The following ANK2 variants were observed in gnomAD, a reference collection of about 807,000 sequenced individuals.
ANK2 encodes ankyrin-2.
A neutral mutation model predicts 360.5 loss-of-function variants in ANK2; 83 were observed. The ratio of observed to expected loss-of-function variants is 0.23; its 90% CI spans 0.19 to 0.28. The LOEUF is 0.28. Ranked by LOEUF, ANK2 falls within the 10% of genes least tolerant of loss-of-function variation. ANK2 has a pLI of 1.00. For synonymous variants in ANK2, 1,740 were observed against 1,759.5 expected, an observed-to-expected ratio of 0.99 and a Z score of 0.28; for missense variants, 4,201 against 4,795.7, an observed-to-expected ratio of 0.88 and a Z score of 3.66.
chr4:112,710,627 G>A, the ANK2 span, among the ~76,000 whole-genome samples: 2 of 151,940 alleles, frequency 1.3e-5, no homozygotes, highest in Non-Finnish European at 2.9e-5. Flanking sequence ...GGACTCAGGA[G>A]GTGGAGGTTG....
intron 1 of ANK2, among the ~76,000 whole-genome samples, chr4:113,069,529 A>G (rs556795144): frequency 2.0e-5 from 3 of 152,322 alleles, no homozygotes; most frequent in Non-Finnish European, 4.4e-5. Flanking sequence ...AGTCTTTTAA[A>G]AGCCAAAATT....
intron 2 of ANK2, among the ~76,000 whole-genome samples, chr4:112,945,442 T>TAAA (rs2094485277): frequency 1.3e-5 from 2 of 152,168 alleles, no homozygotes; most frequent in Non-Finnish European, 2.9e-5. Context: ...ACATAGTGCC[T>TAAA]CATTACAAAA....
At position 113,353,429 on chromosome 4, in the gene ANK2, G is replaced by C; in HGVS notation, c.4811G>C (p.Arg1604Thr). 6.2e-7 allele frequency: 1 copy of C among 1,613,918 alleles called. No homozygotes were observed. The highest frequency in any genetic ancestry group is 8.5e-7 in the Non-Finnish European group (1 of 1,179,930). ...AGTGATGAGGAAATAGAAGAGGCTA[G>C]GCAAAAAGCACCTTTAGAAATCACT... ...IVSDEEIEEA[R>T]QKAPLEITEY... The change falls in exon 38 of 46, where the codon AGG becomes ACG. Residue 1604 changes from arginine (R) to threonine (T), a missense_variant. Around this residue, in one of 4 missense-constraint regions of ANK2, gnomAD observed 1,268 missense variants for 1,650.8 expected, o/e 0.77. Transcript: ENST00000357077.
chr4:112,967,953 A>G (rs1210335846), intron 2 of ANK2, among the ~76,000 whole-genome samples: 1 of 152,176 alleles, frequency 6.6e-6, no homozygotes, highest in Non-Finnish European at 1.5e-5. Flanking sequence ...TTCATATACC[A>G]TACAGACATC....
intron 1 of ANK2, among the ~76,000 whole-genome samples, chr4:113,108,526 T>A (rs1343729513): frequency 1.3e-5 from 2 of 152,172 alleles, no homozygotes; most frequent in African/African-American, 4.8e-5. Flanking sequence ...GGGAGAAGAA[T>A]GTACACATAT....
chr4:112,750,128 A>G, the ANK2 span, among the ~76,000 whole-genome samples: 3 of 151,630 alleles, frequency 2.0e-5, no homozygotes, highest in Admixed American at 1.3e-4. Context: ...GCTGGCATGC[A>G]TTGGTGCAAT....
At chr4:112,985,022 G>A (rs752755022) in intron 2 of ANK2, among the ~76,000 whole-genome samples, 8 of 152,134 alleles carry the variant, frequency 5.3e-5, no homozygotes, top group Non-Finnish European at 1.0e-4. Context: ...TTATAAGTCC[G>A]TCATCTAGGT....
At chr4:113,231,607 GA>G (rs1263992231) in intron 4 of ANK2, among the ~76,000 whole-genome samples, 5 of 149,918 alleles carry the variant, frequency 3.3e-5, no homozygotes, top group Non-Finnish European at 5.9e-5. Flanking sequence ...AAGACACTAA[GA>G]TTTTTTTTTT....
At position 113,333,063 on chromosome 4, in the gene ANK2, C is replaced by A. The variant is rs776320443; in HGVS notation, c.3234C>A (p.Ile1078=). The A allele has an allele frequency of 2.7e-5, 43 of 1,613,984 alleles. No homozygotes were observed. Among genetic ancestry groups the A allele is most frequent in the Non-Finnish European group, 3.6e-5 (42 of 1,180,024 alleles). ...TGCATTGCTATGTCAGGCCTGTGATCGTGGAGATCCCTCACTTTGCGGCCC... is the reference window on the plus strand; with the variant it reads ...TGCATTGCTATGTCAGGCCTGTGATAGTGGAGATCCCTCACTTTGCGGCCC... ...PPGTKFLGPV[I]VEIPHFAALR... is the part of the protein sequence containing the mutation. Residue 1078 remains isoleucine, a synonymous_variant, in exon 29 of 46, where the codon ATC becomes ATA. Transcript: ENST00000357077.
At chr4:113,254,394 A>G (rs897875390) in intron 10 of ANK2, among the ~76,000 whole-genome samples, 1 of 152,224 alleles carries the variant, frequency 6.6e-6, no homozygotes, top group Admixed American at 6.5e-5. Flanking sequence ...AAAAGATTAG[A>G]TGATGAATAT....
chr4:113,055,306 G>T (rs2069106310), intron 1 of ANK2, among the ~76,000 whole-genome samples: 1 of 152,064 alleles, frequency 6.6e-6, no homozygotes, highest in Non-Finnish European at 1.5e-5. Context: ...GACTGCTGGG[G>T]ACACCCAACC....
Position 113,333,113 on chromosome 4 carries a change from T to C in ANK2, c.3284T>C (p.Val1095Ala). The C allele has an allele frequency of 6.2e-7, 1 of 1,614,208 alleles. No individual in the cohort carries two copies. Among genetic ancestry groups the C allele is most frequent in the Middle Eastern group, 1.6e-4 (1 of 6,062 alleles). Residue 1095 changes from valine to alanine, a missense_variant, in exon 29 of 46, where the codon GTG (valine) becomes GCG (alanine). Physicochemically the swap from Val to Ala is moderately conservative, Grantham distance 64. Transcript: ENST00000357077. ...AALRGKEREL[V>A]VLRSENGDSW... ...CTTCGAGGAAAGGAAAGGGAACTGG[T>C]GGTCCTGCGCAGTGAGAATGGGGAC... is the stretch of plus-strand genomic sequence containing the variant.
intron 1 of ANK2, among the ~76,000 whole-genome samples, chr4:113,135,663 G>A (rs2096364524): frequency 6.6e-6 from 1 of 152,026 alleles, no homozygotes; most frequent in Non-Finnish European, 1.5e-5. Context: ...TGGATATCCT[G>A]AAATATCCAT....
chr4:113,108,355 G>A (rs184155883), intron 1 of ANK2, among the ~76,000 whole-genome samples: 1 of 152,148 alleles, frequency 6.6e-6, no homozygotes, highest in East Asian at 1.9e-4. Flanking sequence ...TTCTTACAAA[G>A]CATGCATCGT....
intron 2 of ANK2, among the ~76,000 whole-genome samples, chr4:113,019,025 T>A (rs529650573): frequency 6.6e-6 from 1 of 152,208 alleles, no homozygotes; most frequent in African/African-American, 2.4e-5. Context: ...AACTTCCTTT[T>A]TGAGCATTTA....
intron 1 of ANK2, chr4:112,826,594 T>C (rs966890486): frequency 7.0e-7 from 1 of 1,425,962 alleles, no homozygotes; most frequent in Non-Finnish European, 9.5e-7. Context: ...CCACAGGCAG[T>C]TAAAGTCAAG....
At chr4:112,815,836 T>A (rs982633631), upstream of ANK2, among the ~76,000 whole-genome samples, 3 of 152,234 alleles carry the variant, frequency 2.0e-5, no homozygotes, top group Non-Finnish European at 4.4e-5. Context: ...GGACAGAAGC[T>A]CCTGCACTCT....
chr4:112,752,377 T>A, the ANK2 span, among the ~76,000 whole-genome samples: 14 of 152,250 alleles, frequency 9.2e-5, no homozygotes, highest in Non-Finnish European at 1.5e-4. Context: ...TGCCTCTGCT[T>A]TCTAGTTCAG....
chr4:113,268,955 C>T (rs544724626), intron 14 of ANK2, among the ~76,000 whole-genome samples: 1 of 152,284 alleles, frequency 6.6e-6, no homozygotes, highest in African/African-American at 2.4e-5. Context: ...GATTCGACTT[C>T]TGCCTGGTTT....
Sources: gnomAD v4.1 joint callset for allele counts (sites outside exome capture counted in the v4.1 genomes callset) on GRCh38, gnomAD v4.1.1 for gene constraint, gnomAD v4.1.1 regional missense constraint, MANE v1.5 for transcripts, NCBI Gene and HGNC (gene_info 2026-07-23, HGNC 2026-07-21) for gene names.